The following GIPC1 variants were observed in gnomAD, a reference collection of about 807,000 sequenced individuals.
GIPC1 encodes the protein GIPC PDZ domain containing family member 1.
A neutral mutation model predicts 28.5 loss-of-function variants in GIPC1; 15 were observed. That is an observed-to-expected ratio of 0.53 (90% confidence interval 0.35 to 0.81). The LOEUF (loss-of-function observed/expected upper bound fraction) is 0.81. GIPC1 is among the 30% of genes least tolerant of loss of function. The pLI is 0.01. For synonymous variants in GIPC1, 224 were observed against 206.1 expected (o/e 1.09, Z -0.74); for missense variants, 439 against 481.9 (o/e 0.91, Z 0.83).
chr19:14,478,944 T>G lies in GIPC1; in HGVS notation c.769-179A>C, dbSNP rs761389228. ...TTACTGATGGGCAAACTGCGGCCCA[T>G]GTGCCCAAGGAAGGTCCCTGGGAGC... is the stretch of plus-strand genomic sequence containing the variant. On this transcript the variant is annotated intron_variant, in intron 7 of 8. Coordinates refer to ENST00000393033, the MANE Select transcript of GIPC1 (RefSeq NM_005716.4). The surrounding 1 kb of genome is among the most constrained non-coding windows in gnomAD (Gnocchi z 5.2). 2.6e-5 allele frequency among the ~76,000 whole-genome samples: 4 copies of G among 152,196 alleles called. No homozygotes were observed. The highest frequency in any genetic ancestry group is 4.4e-5 in the Non-Finnish European group (3 of 68,038).
At chr19:14,495,878 T>G (rs1185743956) in intron 1 of GIPC1, among the ~76,000 whole-genome samples, 159 bp downstream of exon 1, 2 of 46,978 alleles carry the variant, frequency 4.3e-5, no homozygotes, top group African/African-American at 8.7e-5. Flanking sequence ...CCACCCCCGC[T>G]TCCCCTGGGA....
chr19:14,494,800 AAC>A (rs1419807840), intron 1 of GIPC1, among the ~76,000 whole-genome samples: 1 of 152,092 alleles, frequency 6.6e-6, no homozygotes, highest in African/African-American at 2.4e-5. Flanking sequence ...CTCACACCTG[AAC>A]ACAGAGATGA....
chr19:14,489,892 A>G (rs550885455), intron 3 of GIPC1, among the ~76,000 whole-genome samples: 1 of 137,348 alleles, frequency 7.3e-6, no homozygotes, highest in Admixed American at 7.2e-5. Context: ...TGGCAAGGAG[A>G]AAAAAAAAAA....
chr19:14,484,897 C>T (rs910328536), intron 3 of GIPC1, among the ~76,000 whole-genome samples: 1 of 150,702 alleles, frequency 6.6e-6, no homozygotes, highest in Admixed American at 6.6e-5. Context: ...CCATAGTGCC[C>T]GCCTGTAATC....
chr19:14,480,123 C>CA (rs1398584121), intron 6 of GIPC1, 182 bp downstream of exon 6: 1 of 607,740 alleles, frequency 1.6e-6, no homozygotes, highest in Non-Finnish European at 2.9e-6. Flanking sequence ...GCCCTTCTCC[C>CA]AGGCTGGGCC....
chr19:14,483,053 T>G (rs969774528), intron 3 of GIPC1, 47 bp from the exon 4 acceptor site: 6 of 1,376,442 alleles, frequency 4.4e-6, no homozygotes, highest in Non-Finnish European at 6.0e-6. Flanking sequence ...AGGCCTTGGG[T>G]GCCCCTCCCA....
At position 14,482,801 on chromosome 19, in the gene GIPC1, A is replaced by G; in HGVS notation, c.176T>C (p.Val59Ala). The change falls in exon 4 of 9, where the codon GTG becomes GCG. Residue 59 changes from valine (V) to alanine (A), a missense_variant. Val to Ala is a moderately conservative substitution (Grantham distance 64, BLOSUM62 0). Transcript: ENST00000393033. ...GCCATGGGCCAGCTGGGTGTGGAAC[A>G]CGAGGCGGGGCCGCAGGGCTGGGGG... ...PPPPALRPRL[V>A]FHTQLAHGSP... is the part of the protein sequence containing the mutation. 6.3e-7 allele frequency: 1 copy of G among 1,597,656 alleles called. No individual in the cohort carries two copies. The highest frequency in any genetic ancestry group is 8.5e-7 in the Non-Finnish European group (1 of 1,170,972).
intron 3 of GIPC1, among the ~76,000 whole-genome samples, 156 bp downstream of exon 3, chr19:14,491,500 T>C (rs954804179): frequency 6.6e-6 from 1 of 151,730 alleles, no homozygotes; most frequent in African/African-American, 2.4e-5. Flanking sequence ...CTCAGGTGAT[T>C]CGCCCACCTT....
intron 3 of GIPC1, among the ~76,000 whole-genome samples, chr19:14,488,734 T>C (rs561904017): frequency 4.8e-4 from 72 of 148,518 alleles, no homozygotes; most frequent in African/African-American, 1.3e-3. Flanking sequence ...GATCACGCCA[T>C]TGCACTCCAG....
rs1182823888 is a variant in GIPC1 at position 14,489,336 on chromosome 19, G to A, written c.-31+2320C>T. ...GCTGGGCCTACCGCGGTAGCGTGAG[G>A]GAAGCCGTGCGTTCTGTTCCAAGGC... On this transcript the variant is annotated intron_variant, in intron 3 of 8. Coordinates refer to ENST00000393033, the MANE Select transcript of GIPC1 (RefSeq NM_005716.4). 1.7e-5 allele frequency: 13 copies of A among 775,950 alleles called. 1 individual carries two copies. The highest frequency in any genetic ancestry group is 1.5e-4 in the South Asian group (11 of 74,276). The allele number at this position is 775,950 out of a possible 1,614,324, so 48.1% of individuals were successfully genotyped here. A position where few individuals can be genotyped will look rare whatever the true frequency, so the allele number is the denominator to read the frequency against.
intron 3 of GIPC1, among the ~76,000 whole-genome samples, chr19:14,485,834 G>A (rs922563416): frequency 3.3e-5 from 5 of 151,066 alleles, no homozygotes; most frequent in South Asian, 2.1e-4. Context: ...ACAGTGGCGC[G>A]ATCTCGGCTC....
intron 3 of GIPC1, chr19:14,489,332 T>C (rs2071913276): frequency 2.6e-6 from 2 of 774,682 alleles, no homozygotes; most frequent in Admixed American, 1.7e-5. Context: ...CGCGGTAGCG[T>C]GAGGGAAGCC....
rs765686972 is a variant in GIPC1, at chr19:14,482,803, G to C, written c.174C>G (p.Leu58=). ...PPPPPALRPR[L]VFHTQLAHGS... is the part of the protein sequence containing the mutation. ...CATGGGCCAGCTGGGTGTGGAACAC[G>C]AGGCGGGGCCGCAGGGCTGGGGGAG... Residue 58 remains leucine (L), a synonymous_variant, in exon 4 of 9, where the codon CTC becomes CTG. Transcript: ENST00000393033. The C allele has an allele frequency of 1.2e-6, 2 of 1,601,888 alleles. 1 individual carries two copies. Among genetic ancestry groups the C allele is most frequent in the South Asian group, 2.2e-5 (2 of 89,800 alleles).
At chr19:14,486,289 A>G (rs2071842116) in intron 3 of GIPC1, among the ~76,000 whole-genome samples, 1 of 152,152 alleles carries the variant, frequency 6.6e-6, no homozygotes, top group Non-Finnish European at 1.5e-5. Flanking sequence ...CTACGCTTCT[A>G]TTTTCCTCTC....
intron 6 of GIPC1, chr19:14,479,828 G>A (rs1029462500): frequency 1.0e-5 from 4 of 385,444 alleles, no homozygotes; most frequent in African/African-American, 4.2e-5. Flanking sequence ...CCCAGCCTGA[G>A]TCTCCAGCTG....
chr19:14,481,554 C>G (rs2071729508), intron 4 of GIPC1, among the ~76,000 whole-genome samples: 1 of 151,904 alleles, frequency 6.6e-6, no homozygotes, highest in Non-Finnish European at 1.5e-5. Context: ...AATCCTGTCT[C>G]TACTAAAAAT....
Position 14,483,789 on chromosome 19 carries a change from A to ATAG in GIPC1, c.-30-784_-30-783insCTA, listed in dbSNP as rs1162818202. Among the ~76,000 whole-genome samples the ATAG allele has an allele frequency of 7.6e-4, 109 of 143,198 alleles. No homozygotes were observed. The South Asian group carries it at 0.023, about 30-fold the overall frequency. 93.9% of individuals were successfully genotyped at this position (143,198 alleles called of 152,430 possible). The stretch of plus-strand genomic sequence containing the variant: ...AATAATAATAATAATAATAATAATA[A>ATAG]TAATAATAATACCAGCTAGGATTAT... On this transcript the variant is annotated intron_variant, in intron 3 of 8. Coordinates refer to ENST00000393033, the MANE Select transcript of GIPC1 (RefSeq NM_005716.4).
chr19:14,487,834 GC>G (rs755635269), intron 3 of GIPC1, among the ~76,000 whole-genome samples: 9 of 151,722 alleles, frequency 5.9e-5, no homozygotes, highest in Non-Finnish European at 1.3e-4. Context: ...TTGCCACCAT[GC>G]CCTGCTAATT....
rs749025440 is a variant in GIPC1 at position 14,478,579 on chromosome 19, G to A, written c.851-12C>T. 2 of 1,613,854 alleles carry A rather than the reference G, an allele frequency of 1.2e-6. No homozygotes were observed. The highest frequency in any genetic ancestry group is 2.7e-5 in the African/African-American group (2 of 74,900). Reference sequence around the variant, plus strand: ...CACCATGGTGGCCGCTATTGGGGGAGGGGTCAGAACGGAGGCACAAATGAC... The same window carrying A: ...CACCATGGTGGCCGCTATTGGGGGAAGGGTCAGAACGGAGGCACAAATGAC... On this transcript the variant is annotated splice_polypyrimidine_tract_variant and intron_variant, in intron 8 of 8. Transcript: ENST00000393033. The surrounding 1 kb of genome is among the most constrained non-coding windows in gnomAD (Gnocchi z 5.2).
Sources: gnomAD v4.1 joint callset for allele counts (sites outside exome capture counted in the v4.1 genomes callset) on GRCh38, gnomAD v4.1.1 for gene constraint, Gnocchi (gnomAD v3.1) non-coding constraint, MANE v1.5 for transcripts, NCBI Gene and HGNC (gene_info 2026-07-23, HGNC 2026-07-21) for gene names.